The following LIMCH1 variants were observed in gnomAD, a reference collection of about 807,000 sequenced individuals.
LIMCH1 encodes the protein LIM and calponin homology domains-containing protein 1.
A neutral mutation model predicts 176.5 loss-of-function variants in LIMCH1; 113 were observed. The observed-to-expected ratio is 0.64, with a 90% CI of 0.55 to 0.75. The LOEUF (loss-of-function observed/expected upper bound fraction) is 0.75. Among genes scored for constraint, LIMCH1 ranks in the 30% least tolerant of loss-of-function variants. The probability of loss-of-function intolerance (pLI) is 0.00; values close to 1 mark genes in which losing one functional copy is unlikely to be tolerated. For missense variants in LIMCH1, 1,674 were observed against 1,814.9 expected (o/e 0.92, Z 1.41); for synonymous variants, 619 against 645.9 (o/e 0.96, Z 0.63).
At chr4:41,487,899 G>A (rs1181420177) in intron 1 of LIMCH1, among the ~76,000 whole-genome samples, 11 of 147,120 alleles carry the variant, frequency 7.5e-5, no homozygotes, top group Admixed American at 4.2e-4. Context: ...TGATCTGCCC[G>A]CCTTGGCCTC....
intron 13 of LIMCH1, among the ~76,000 whole-genome samples, chr4:41,634,724 G>A (rs918622954): frequency 6.6e-6 from 1 of 152,172 alleles, no homozygotes; most frequent in Non-Finnish European, 1.5e-5. Context: ...GCTCCCTCAA[G>A]CTCACCTTGT....
chr4:41,440,026 AT>A (rs1397702795), intron 1 of LIMCH1, among the ~76,000 whole-genome samples: 2 of 152,206 alleles, frequency 1.3e-5, no homozygotes, highest in African/African-American at 4.8e-5. Context: ...TACACTAGGC[AT>A]TTTGCTTGAT....
chr4:41,375,023 A>G (rs2054524961), intron 1 of LIMCH1, among the ~76,000 whole-genome samples: 1 of 152,220 alleles, frequency 6.6e-6, no homozygotes, highest in Non-Finnish European at 1.5e-5. Flanking sequence ...TACCCAACAG[A>G]GAAGCAGTGA....
intron 23 of LIMCH1, among the ~76,000 whole-genome samples, chr4:41,679,305 C>T (rs1025615271): frequency 6.6e-6 from 1 of 152,196 alleles, no homozygotes; most frequent in Non-Finnish European, 1.5e-5. Context: ...TTCTTCTAAT[C>T]AGCCATCAGG....
intron 1 of LIMCH1, among the ~76,000 whole-genome samples, chr4:41,362,215 A>G (rs1013593937): frequency 3.3e-5 from 5 of 152,252 alleles, no homozygotes; most frequent in Admixed American, 6.5e-5. Context: ...ACTTGAGTAT[A>G]GAAACATCTG....
Position 41,360,899 on chromosome 4 carries a change from C to A in LIMCH1, c.59C>A (p.Pro20His). ...CAGCCCCTGCAGCCCGAGCCGCCCC[C>A]CGAGCCCGCCTTCTCCGAGGCGCAG... The change falls in exon 1 of 27, where the codon CCC becomes CAC. Residue 20 changes from proline to histidine, a missense_variant. Pro to His is a moderately conservative substitution (Grantham distance 77, BLOSUM62 -2). Coordinates refer to the LIMCH1 transcript ENST00000313860. The surrounding 1 kb of genome is among the most constrained non-coding windows in gnomAD (Gnocchi z 4.5). 4 of 1,589,456 alleles carry A rather than the reference C, an allele frequency of 2.5e-6. No homozygotes were observed. Among genetic ancestry groups the A allele is most frequent in the Non-Finnish European group, 3.4e-6 (4 of 1,171,196 alleles).
In LIMCH1 at chr4:41,481,119, G is replaced by T. The variant is rs151180756; in HGVS notation, c.97-13417G>T. ...AAAATATAAATGGATTCTGCAGATT[G>T]CATTTTATTTTCCTCAATATTAAGC... is the stretch of plus-strand genomic sequence containing the variant. On this transcript the variant is annotated intron_variant, in intron 1 of 26. Coordinates refer to the LIMCH1 transcript ENST00000313860. Among the ~76,000 whole-genome samples, 10 of 152,038 alleles carry T rather than the reference G, an allele frequency of 6.6e-5. No homozygotes were observed. In the East Asian group the frequency reaches 1.7e-3, roughly 27 times the overall value.
At chr4:41,634,781 T>C (rs868760317) in intron 13 of LIMCH1, among the ~76,000 whole-genome samples, 1 of 152,178 alleles carries the variant, frequency 6.6e-6, no homozygotes, top group Non-Finnish European at 1.5e-5. Context: ...TAGCTCCATT[T>C]CACAAATAAG....
intron 1 of LIMCH1, among the ~76,000 whole-genome samples, chr4:41,561,500 C>T (rs1041020014): frequency 6.6e-6 from 1 of 152,150 alleles, no homozygotes; most frequent in Non-Finnish European, 1.5e-5. Flanking sequence ...AGTCGCTGCT[C>T]TTGTGTGATA....
intron 1 of LIMCH1, among the ~76,000 whole-genome samples, chr4:41,368,084 A>G (rs1031585656): frequency 7.2e-5 from 11 of 152,204 alleles, no homozygotes; most frequent in African/African-American, 2.7e-4. Flanking sequence ...TTTAAAAAAT[A>G]TTTTGAACAA....
chr4:41,469,972 G>T (rs111821434), intron 1 of LIMCH1, among the ~76,000 whole-genome samples: 2,861 of 152,218 alleles, frequency 0.019, 87 homozygotes, highest in African/African-American at 0.066. Context: ...GAGCCACCAT[G>T]CCTGGCCAAG....
intron 2 of LIMCH1, among the ~76,000 whole-genome samples, chr4:41,497,132 G>A (rs1014507353): frequency 6.6e-6 from 1 of 152,190 alleles, no homozygotes; most frequent in Non-Finnish European, 1.5e-5. Context: ...AGCCCAGTTG[G>A]TATCTTGGAA....
At chr4:41,395,870 T>C (rs1256373854) in intron 1 of LIMCH1, among the ~76,000 whole-genome samples, 1 of 152,146 alleles carries the variant, frequency 6.6e-6, no homozygotes, top group Non-Finnish European at 1.5e-5. Flanking sequence ...CAGACAGTGA[T>C]AAGTGTCATG....
At chr4:41,676,245 A>T (rs568297456) in intron 22 of LIMCH1, 137 bp from the exon 23 acceptor site, 3 of 558,960 alleles carry the variant, frequency 5.4e-6, no homozygotes, top group East Asian at 5.9e-5. Context: ...ACCAAAGAGG[A>T]TGTTTAGATA....
intron 29 of LIMCH1, 151 bp downstream of exon 29, chr4:41,688,068 G>A (rs1722354370): frequency 1.6e-6 from 1 of 606,782 alleles, no homozygotes; most frequent in Non-Finnish European, 3.0e-6. Context: ...CAAAAGGAAA[G>A]AGAACATTGT....
intron 1 of LIMCH1, among the ~76,000 whole-genome samples, chr4:41,377,083 T>C (rs1264582954): frequency 6.6e-6 from 1 of 152,184 alleles, no homozygotes; most frequent in African/African-American, 2.4e-5. Flanking sequence ...TATTGCAGCA[T>C]AACAAACCAC....
intron 1 of LIMCH1, among the ~76,000 whole-genome samples, chr4:41,569,133 T>G (rs1271957089): frequency 1.3e-5 from 2 of 152,174 alleles, no homozygotes; most frequent in African/African-American, 4.8e-5. Flanking sequence ...TTGGTTTTGT[T>G]TCTCATGATA....
At chr4:41,449,269 C>T (rs566980167) in intron 1 of LIMCH1, among the ~76,000 whole-genome samples, 5 of 152,286 alleles carry the variant, frequency 3.3e-5, no homozygotes, top group African/African-American at 1.2e-4. Context: ...ACTATCTTGA[C>T]TTTCCCTCCA....
intron 1 of LIMCH1, among the ~76,000 whole-genome samples, chr4:41,392,892 C>A (rs2057399252): frequency 6.6e-6 from 1 of 151,970 alleles, no homozygotes; most frequent in Non-Finnish European, 1.5e-5. Flanking sequence ...ATTAGCCTGG[C>A]ATGGTGGTGC....
Sources: allele counts gnomAD v4.1 joint callset (sites outside exome capture counted in the v4.1 genomes callset), GRCh38; gene constraint gnomAD v4.1.1; non-coding constraint Gnocchi (gnomAD v3.1); transcripts MANE v1.5; gene names NCBI Gene and HGNC (gene_info 2026-07-23, HGNC 2026-07-21).